The following KAZN variants were observed in gnomAD, a reference collection of about 807,000 sequenced individuals.
The protein encoded by KAZN is kazrin, periplakin interacting protein.
Under a neutral mutation model 87.4 loss-of-function variants are expected in KAZN, and 40 were observed. That is an observed-to-expected ratio of 0.46 (90% CI 0.36 to 0.60). The LOEUF is 0.60. KAZN is among the 20% of genes least tolerant of loss of function. The pLI, the probability that KAZN is intolerant of heterozygous loss-of-function variation, is 0.00. For missense variants in KAZN, 898 were observed against 1,073.9 expected (o/e 0.84, Z 2.29); for synonymous variants, 466 against 458.3 (o/e 1.02, Z -0.22).
chr1:14,294,639 G>A (rs1653977031), intron 2 of KAZN, among the ~76,000 whole-genome samples: 1 of 145,068 alleles, frequency 6.9e-6, no homozygotes, highest in African/African-American at 2.5e-5. Context: ...TATAAAACCT[G>A]AGCCTGGGCA....
intron 1 of KAZN, among the ~76,000 whole-genome samples, chr1:14,719,105 A>C (rs1368222400): frequency 1.3e-5 from 2 of 152,184 alleles, no homozygotes; most frequent in Admixed American, 6.5e-5. Flanking sequence ...TCAACTTTGC[A>C]CATGTACTCT....
intron 2 of KAZN, among the ~76,000 whole-genome samples, chr1:14,293,327 G>C (rs1156984467): frequency 6.6e-6 from 1 of 152,184 alleles, no homozygotes; most frequent in Non-Finnish European, 1.5e-5. Flanking sequence ...TAAATGACAT[G>C]TCCGCATCTG....
At chr1:14,526,541 C>T (rs1029914324) in intron 2 of KAZN, among the ~76,000 whole-genome samples, 4 of 152,172 alleles carry the variant, frequency 2.6e-5, no homozygotes, top group African/African-American at 4.8e-5. Flanking sequence ...AAGAACCCTC[C>T]GGGTCATCTA....
chr1:14,116,055 A>G (rs144814437), intron 1 of KAZN, among the ~76,000 whole-genome samples: 3,525 of 152,250 alleles, frequency 0.023, 124 homozygotes, highest in African/African-American at 0.079. Context: ...TGTTAAAGGC[A>G]TTCAGTTTTA....
At chr1:14,328,627 C>CGA (rs1302263377) in intron 2 of KAZN, among the ~76,000 whole-genome samples, 1 of 151,596 alleles carries the variant, frequency 6.6e-6, no homozygotes, top group African/African-American at 2.4e-5. Context: ...GGTGTGAACC[C>CGA]GAGACGTGGA....
chr1:14,742,397 G>T (rs183496936), intron 1 of KAZN, among the ~76,000 whole-genome samples: 69 of 152,288 alleles, frequency 4.5e-4, no homozygotes, highest in African/African-American at 1.6e-3. Context: ...TTCATTCATT[G>T]AGCAACTACC....
chr1:13,968,298 C>G (rs940601986), intron 1 of KAZN, among the ~76,000 whole-genome samples: 3 of 152,120 alleles, frequency 2.0e-5, no homozygotes, highest in Admixed American at 6.6e-5. Flanking sequence ...TGCTTTCTAG[C>G]AAATAACCTC....
chr1:14,594,602 G>A (rs985397295), upstream of KAZN, among the ~76,000 whole-genome samples: 5 of 152,170 alleles, frequency 3.3e-5, no homozygotes, highest in Non-Finnish European at 7.3e-5. Context: ...AGCCTACTGG[G>A]GTGTGAGATT....
At chr1:14,167,189 G>C (rs376294346) in intron 1 of KAZN, among the ~76,000 whole-genome samples, 1 of 152,180 alleles carries the variant, frequency 6.6e-6, no homozygotes, top group South Asian at 2.1e-4. Flanking sequence ...ATGTATTATC[G>C]TCAAGGTCAG....
At chr1:14,590,167 C>A (rs1184343831) in intron 2 of KAZN, among the ~76,000 whole-genome samples, 2 of 151,982 alleles carry the variant, frequency 1.3e-5, no homozygotes, top group East Asian at 1.9e-4. Flanking sequence ...AATAACACTA[C>A]CAGTGAGCAA....
intron 2 of KAZN, among the ~76,000 whole-genome samples, chr1:14,561,597 T>C (rs1674257134): frequency 6.6e-6 from 1 of 152,086 alleles, no homozygotes. Flanking sequence ...GAGACAACCA[T>C]AGTCCTCCCA....
At chr1:15,106,127 A>C (rs1210241721) in intron 13 of KAZN, among the ~76,000 whole-genome samples, 1 of 152,068 alleles carries the variant, frequency 6.6e-6, no homozygotes, top group Non-Finnish European at 1.5e-5. Context: ...TAAAAATTAA[A>C]AAAATTCCCT....
At chr1:14,655,068 CAGA>C (rs1257928936) in intron 1 of KAZN, among the ~76,000 whole-genome samples, 1 of 152,216 alleles carries the variant, frequency 6.6e-6, no homozygotes. Flanking sequence ...GTTACTGACT[CAGA>C]AGGTCTGGGC....
intron 2 of KAZN, among the ~76,000 whole-genome samples, chr1:14,300,259 AATTT>A (rs1553155599): frequency 1.2e-5 from 1 of 80,646 alleles, no homozygotes; most frequent in Admixed American, 1.1e-4. Flanking sequence ...GCTATGGAAG[AATTT>A]ATTTATTTTT....
chr1:15,055,257 A>C (rs1674826824), intron 4 of KAZN, among the ~76,000 whole-genome samples: 1 of 152,194 alleles, frequency 6.6e-6, no homozygotes, highest in South Asian at 2.1e-4. Flanking sequence ...CAGGTGGATC[A>C]CTTGAGGTCA....
At chr1:14,630,025 C>T (rs1016325598) in intron 1 of KAZN, among the ~76,000 whole-genome samples, 1 of 150,908 alleles carries the variant, frequency 6.6e-6, no homozygotes, top group Non-Finnish European at 1.5e-5. Context: ...TTTTCAGCTA[C>T]GAATGCAATG....
intron 1 of KAZN, among the ~76,000 whole-genome samples, chr1:14,168,141 G>A (rs1368318697): frequency 6.6e-6 from 1 of 152,194 alleles, no homozygotes; most frequent in East Asian, 1.9e-4. Context: ...ACATTCAAAT[G>A]AAAATTCGTG....
intron 2 of KAZN, among the ~76,000 whole-genome samples, chr1:14,489,213 ATAAC>A (rs1375748406): frequency 1.3e-5 from 2 of 152,206 alleles, no homozygotes; most frequent in Non-Finnish European, 2.9e-5. Flanking sequence ...GACAAAAATA[ATAAC>A]TAACTGTAAT....
At chr1:15,041,370 T>A (rs1672912938) in intron 3 of KAZN, among the ~76,000 whole-genome samples, 1 of 139,464 alleles carries the variant, frequency 7.2e-6, no homozygotes, top group Non-Finnish European at 1.5e-5. Context: ...GGAGTTTTGC[T>A]CTTATTGCCC....
Sources: allele counts gnomAD v4.1 joint callset (sites outside exome capture counted in the v4.1 genomes callset), GRCh38; gene constraint gnomAD v4.1.1; transcripts MANE v1.5; gene names NCBI Gene and HGNC (gene_info 2026-07-23, HGNC 2026-07-21).